RBFOX2: variants seen among roughly 807,000 people sequenced by gnomAD.
RBFOX2 encodes RNA binding fox-1 homolog 2.
Under a neutral mutation model 49.1 loss-of-function variants are expected in RBFOX2, and 10 were observed. The observed-to-expected ratio is 0.20, with a 90% CI of 0.13 to 0.35. RBFOX2 has a LOEUF of 0.35. RBFOX2 is among the 10% of genes least tolerant of loss of function. RBFOX2 has a pLI of 1.00. For missense variants in RBFOX2, 323 were observed against 486.9 expected, an observed-to-expected ratio of 0.66 and a Z score of 3.17; for synonymous variants, 183 against 187.4, an observed-to-expected ratio of 0.98 and a Z score of 0.19.
chr22:35,861,393 A>G (rs2043074201), intron 1 of RBFOX2, among the ~76,000 whole-genome samples: 1 of 152,234 alleles, frequency 6.6e-6, no homozygotes, highest in African/African-American at 2.4e-5. Context: ...CTTGCAAAGT[A>G]TACACCTGAT....
At chr22:35,765,896 T>G (rs933124628) in intron 5 of RBFOX2, among the ~76,000 whole-genome samples, 1 of 152,170 alleles carries the variant, frequency 6.6e-6, no homozygotes, top group Non-Finnish European at 1.5e-5. Flanking sequence ...GGTGATAAAA[T>G]AAATCTGATT....
intron 1 of RBFOX2, among the ~76,000 whole-genome samples, chr22:35,947,063 C>G (rs2054361223): frequency 6.6e-6 from 1 of 152,054 alleles, no homozygotes; most frequent in South Asian, 2.1e-4. Flanking sequence ...TGGTGGTGAG[C>G]ACCTGTAATC....
At chr22:35,809,340 C>T (rs192198013) in intron 2 of RBFOX2, among the ~76,000 whole-genome samples, 3 of 151,704 alleles carry the variant, frequency 2.0e-5, no homozygotes, top group East Asian at 1.9e-4. Flanking sequence ...GAGAAGAAGA[C>T]GAAGTAGTTT....
At chr22:36,007,694 C>G (rs1192155223) in intron 1 of RBFOX2, among the ~76,000 whole-genome samples, 1 of 152,132 alleles carries the variant, frequency 6.6e-6, no homozygotes, top group East Asian at 1.9e-4. Flanking sequence ...GAGGAGGCAA[C>G]CGCTGGGGAG....
At chr22:35,973,551 G>A (rs1052973482) in intron 1 of RBFOX2, among the ~76,000 whole-genome samples, 2 of 152,204 alleles carry the variant, frequency 1.3e-5, no homozygotes, top group African/African-American at 4.8e-5. Context: ...CAAGTAAAAG[G>A]TTTGAGATTA....
upstream of RBFOX2, among the ~76,000 whole-genome samples, chr22:35,964,371 ATTAAT>A (rs1396444621): frequency 1.3e-5 from 2 of 152,238 alleles, no homozygotes; most frequent in South Asian, 2.1e-4. Context: ...CTCAATACTT[ATTAAT>A]TTATTATTCT....
chr22:35,920,241 T>C (rs911450772), intron 1 of RBFOX2, among the ~76,000 whole-genome samples: 2 of 152,186 alleles, frequency 1.3e-5, no homozygotes, highest in African/African-American at 4.8e-5. Flanking sequence ...ATGATTAATA[T>C]GATGCCTGGT....
At chr22:35,928,675 G>C (rs2051979786) in intron 1 of RBFOX2, among the ~76,000 whole-genome samples, 1 of 152,138 alleles carries the variant, frequency 6.6e-6, no homozygotes, top group Non-Finnish European at 1.5e-5. Flanking sequence ...CCTCATAACT[G>C]AGAACAAATA....
intron 1 of RBFOX2, chr22:35,993,520 T>C (rs1000010794): frequency 6.6e-6 from 1 of 152,238 alleles, no homozygotes. Context: ...AGCCTTCAGA[T>C]AAATGCAGCC....
At chr22:36,025,048 T>G (rs1465945112) in intron 1 of RBFOX2, among the ~76,000 whole-genome samples, 2 of 152,166 alleles carry the variant, frequency 1.3e-5, no homozygotes, top group African/African-American at 4.8e-5. Context: ...TCTCAGGCGA[T>G]CCACCCGCCT....
chr22:35,989,828 G>C (rs191564755), intron 1 of RBFOX2, among the ~76,000 whole-genome samples: 14 of 152,208 alleles, frequency 9.2e-5, no homozygotes, highest in Admixed American at 8.5e-4. Context: ...GAAAGGAAAT[G>C]TAGGACAATG....
chr22:36,028,657 A>G (rs2146649338), exon 1 of RBFOX2, among the ~76,000 whole-genome samples: 1 of 145,186 alleles, frequency 6.9e-6, no homozygotes, highest in Admixed American at 6.8e-5. Context: ...GCGCGGGGCC[A>G]CTGGCGGGTC....
upstream of RBFOX2, among the ~76,000 whole-genome samples, chr22:35,843,163 G>A (rs151062732): frequency 9.8e-4 from 149 of 152,250 alleles, no homozygotes; most frequent in African/African-American, 3.4e-3. Flanking sequence ...AGCAAAACTG[G>A]AGTCCCCTGG....
intron 1 of RBFOX2, among the ~76,000 whole-genome samples, chr22:35,859,826 G>A (rs947385298): frequency 6.6e-5 from 10 of 152,128 alleles, no homozygotes; most frequent in Admixed American, 4.6e-4. Context: ...GCCTCCCAAA[G>A]TGCTGGCATT....
chr22:35,928,429 T>C (rs77478604), intron 1 of RBFOX2, among the ~76,000 whole-genome samples: 75 of 152,320 alleles, frequency 4.9e-4, no homozygotes, highest in African/African-American at 1.7e-3. Context: ...AGAGCTTTCC[T>C]GCCCAAACAT....
chr22:35,977,987 A>T (rs929797027), intron 1 of RBFOX2, among the ~76,000 whole-genome samples: 1 of 151,798 alleles, frequency 6.6e-6, no homozygotes, highest in Non-Finnish European at 1.5e-5. Flanking sequence ...AAAGCTGGGA[A>T]ACTCTAGGGA....
intron 1 of RBFOX2, among the ~76,000 whole-genome samples, chr22:35,948,788 T>C (rs2054595214): frequency 6.6e-6 from 1 of 152,164 alleles, no homozygotes; most frequent in South Asian, 2.1e-4. Context: ...CTTTGCAGTT[T>C]CCTTTCATCT....
At chr22:35,939,131 T>C (rs928573169), upstream of RBFOX2, 20 of 677,288 alleles carry the variant, frequency 3.0e-5, no homozygotes, top group Non-Finnish European at 3.0e-5. Flanking sequence ...TTCTTCCTTA[T>C]GCAGCTAAAT....
chr22:35,848,107 A>G (rs1423484418), intron 1 of RBFOX2, among the ~76,000 whole-genome samples: 1 of 152,162 alleles, frequency 6.6e-6, no homozygotes. Flanking sequence ...AATTTTACTT[A>G]TGTTATAGTT....
Sources: gnomAD v4.1 joint callset for allele counts (sites outside exome capture counted in the v4.1 genomes callset) on GRCh38, gnomAD v4.1.1 for gene constraint, MANE v1.5 for transcripts, NCBI Gene and HGNC (gene_info 2026-07-23, HGNC 2026-07-21) for gene names.